The following TMEM242 variants were observed in gnomAD, a reference collection of about 807,000 sequenced individuals.
TMEM242 encodes the protein UPF0463 transmembrane protein C6orf35.
In TMEM242, 10 loss-of-function variants were observed where a neutral mutation model predicts 18.2. The observed-to-expected ratio is 0.55, with a 90% CI of 0.34 to 0.93. The LOEUF is 0.93. TMEM242 is among the 40% of genes least tolerant of loss of function. The pLI is 0.02. For missense variants in TMEM242, 186 were observed against 175.5 expected, an observed-to-expected ratio of 1.06 and a Z score of -0.34; for synonymous variants, 57 against 69.9, an observed-to-expected ratio of 0.81 and a Z score of 0.92.
intron 3 of TMEM242, among the ~76,000 whole-genome samples, chr6:157,293,235 AGCTG>A (rs1554246952): frequency 6.6e-6 from 1 of 152,156 alleles, no homozygotes; most frequent in African/African-American, 2.4e-5. Context: ...CTTCACTCTT[AGCTG>A]GACATGGTGG....
At chr6:157,314,385 C>G (rs587618974) in intron 3 of TMEM242, among the ~76,000 whole-genome samples, 2 of 42 alleles carry the variant, frequency 0.048, no homozygotes, top group Non-Finnish European at 0.071. Context: ...TGATCATGTA[C>G]ACAGCTGATT....
At chr6:157,293,963 C>T (rs1177248292) in intron 3 of TMEM242, among the ~76,000 whole-genome samples, 1 of 152,124 alleles carries the variant, frequency 6.6e-6, no homozygotes, top group Non-Finnish European at 1.5e-5. Flanking sequence ...TCAAGCAATC[C>T]TCCCACCTCG....
chr6:157,313,401 TTAC>T (rs1778270447), intron 3 of TMEM242, among the ~76,000 whole-genome samples: 1 of 3,164 alleles, frequency 3.2e-4, no homozygotes, highest in African/African-American at 1.5e-3. Context: ...CCGGGCCTTA[TTAC>T]AGTGTCCAGT....
rs1226937618 is a variant in TMEM242, at chr6:157,299,864, G to A, written c.328-6865C>T. The stretch of plus-strand genomic sequence containing the variant: ...TTTGCCTTCATCAAGATCCACAAGG[G>A]CAAGTTCATCACTCAAGCCTTTTAA... On this transcript the variant is annotated intron_variant, in intron 3 of 3. Coordinates refer to ENST00000400788, the MANE Select transcript of TMEM242 (RefSeq NM_018452.6). 12 of 1,612,914 alleles carry A rather than the reference G, an allele frequency of 7.4e-6. No homozygotes were observed. The East Asian group carries it at 1.8e-4, about 24-fold the overall frequency.
intron 3 of TMEM242, among the ~76,000 whole-genome samples, chr6:157,313,047 C>A: frequency 6.6e-6 from 1 of 151,604 alleles, no homozygotes; most frequent in South Asian, 2.1e-4. Context: ...CCAGTGTGCA[C>A]TCACCTGGCC....
rs1299523845 is a variant in TMEM242 at position 157,323,491 on chromosome 6, T to C, written c.9A>G (p.Thr3=). Residue 3 remains threonine, a synonymous_variant, in exon 1 of 4, where the codon ACA becomes ACG. Coordinates refer to ENST00000400788, the MANE Select transcript of TMEM242 (RefSeq NM_018452.6). ...CCGGCTGCCCAGTTGCAGCGCCCGC[T>C]GTCTCCATGTTTAGGTCGCCTCTAG... ME[T]AGAATGQPAS... is the part of the protein sequence containing the mutation. 4 of 1,613,864 alleles carry C rather than the reference T, an allele frequency of 2.5e-6. No homozygotes were observed. The highest frequency in any genetic ancestry group is 3.4e-6 in the Non-Finnish European group (4 of 1,179,900).
chr6:157,317,003 T>C (rs1235472366), intron 3 of TMEM242, among the ~76,000 whole-genome samples: 1 of 152,252 alleles, frequency 6.6e-6, no homozygotes, highest in Non-Finnish European at 1.5e-5. Context: ...AAACTAAATA[T>C]GAAAAGCTCA....
At chr6:157,312,576 CCGGCCTCATCA>C (rs1778200370) in intron 3 of TMEM242, among the ~76,000 whole-genome samples, 2 of 145,488 alleles carry the variant, frequency 1.4e-5, no homozygotes, top group Non-Finnish European at 1.5e-5. Context: ...GTACGCTCAC[CCGGCCTCATCA>C]TAGTGCCGCA....
At chr6:157,312,581 C>G (rs1554249316) in intron 3 of TMEM242, among the ~76,000 whole-genome samples, 1 of 150,146 alleles carries the variant, frequency 6.7e-6, no homozygotes, top group Non-Finnish European at 1.5e-5. Flanking sequence ...CTCACCCGGC[C>G]TCATCATAGT....
chr6:157,317,118 T>C (rs587749733), intron 3 of TMEM242, among the ~76,000 whole-genome samples: 21 of 152,320 alleles, frequency 1.4e-4, no homozygotes, highest in African/African-American at 5.1e-4. Context: ...ATTCTCCCAA[T>C]GTAAAATATA....
At chr6:157,306,320 G>A (rs1429421741) in intron 3 of TMEM242, among the ~76,000 whole-genome samples, 27 of 152,192 alleles carry the variant, frequency 1.8e-4, no homozygotes, top group Non-Finnish European at 1.3e-4. Flanking sequence ...ACAGCTGTCC[G>A]AATCATCTTG....
rs1777665281 is a variant in TMEM242, at chr6:157,290,043, A to G, written c.*2858T>C. On this transcript the variant is annotated 3_prime_UTR_variant, in exon 4 of 4. Transcript: ENST00000400788. ...AACCCACACTTTCTTGACTCTGAAT[A>G]TAACAGCAGCCTATGGACTCCTTTT... 1 of 152,212 alleles carries G rather than the reference A, an allele frequency of 6.6e-6. No individual in the cohort carries two copies. The highest frequency in any genetic ancestry group is 2.4e-5 in the African/African-American group (1 of 41,450). The allele number at this position is 152,212 out of a possible 1,614,324, so 9.4% of individuals were successfully genotyped here. A position where few individuals can be genotyped will look rare whatever the true frequency, so the allele number is the denominator to read the frequency against.
rs150608842 is a variant in TMEM242 at position 157,296,378 on chromosome 6, G to T, written c.328-3379C>A. ...TGCTGTGCCCTGCACACCTCCAGGG[G>T]GTGCTTTCCATAAAAACTAAGACAT... is the stretch of plus-strand genomic sequence containing the variant. On this transcript the variant is annotated intron_variant, in intron 3 of 3. Coordinates refer to ENST00000400788, the MANE Select transcript of TMEM242 (RefSeq NM_018452.6). 2.6e-3 allele frequency among the ~76,000 whole-genome samples: 395 copies of T among 152,262 alleles called. 2 individuals are homozygous for T. The highest frequency in any genetic ancestry group is 8.9e-3 in the African/African-American group (368 of 41,556).
At chr6:157,295,128 T>C (rs1777734889) in intron 3 of TMEM242, among the ~76,000 whole-genome samples, 1 of 152,266 alleles carries the variant, frequency 6.6e-6, no homozygotes, top group Admixed American at 6.5e-5. Context: ...TTTATAGCTA[T>C]ATATCTTTTT....
At chr6:157,301,651 G>C (rs1777831976) in intron 3 of TMEM242, among the ~76,000 whole-genome samples, 1 of 152,220 alleles carries the variant, frequency 6.6e-6, no homozygotes, top group South Asian at 2.1e-4. Flanking sequence ...AGGCAGTCCA[G>C]GGCTGGACGC....
intron 3 of TMEM242, among the ~76,000 whole-genome samples, chr6:157,310,434 C>G (rs1777989273): frequency 6.6e-6 from 1 of 150,984 alleles, no homozygotes; most frequent in African/African-American, 2.4e-5. Context: ...ATCATAGTGT[C>G]CCAGTGTGCA....
intron 3 of TMEM242, among the ~76,000 whole-genome samples, chr6:157,313,992 T>C (rs2128417037): frequency 6.6e-6 from 1 of 150,812 alleles, no homozygotes; most frequent in Middle Eastern, 3.4e-3. Context: ...AGTGCCCCAG[T>C]GTGCGCTCAC....
chr6:157,293,651 C>T (rs1241302497), intron 3 of TMEM242, among the ~76,000 whole-genome samples: 2 of 151,350 alleles, frequency 1.3e-5, no homozygotes, highest in African/African-American at 4.9e-5. Context: ...ATGTGCAAGA[C>T]AGTGGTTTTT....
chr6:157,323,289 C>G (rs1778524010), intron 1 of TMEM242, 123 bp downstream of exon 1: 2 of 1,127,482 alleles, frequency 1.8e-6, no homozygotes, highest in Non-Finnish European at 2.6e-6. Context: ...GGGCTAAACT[C>G]AGGGGCAAGC....
Sources: allele counts gnomAD v4.1 joint callset (sites outside exome capture counted in the v4.1 genomes callset), GRCh38; gene constraint gnomAD v4.1.1; transcripts MANE v1.5; gene names NCBI Gene and HGNC (gene_info 2026-07-23, HGNC 2026-07-21).